The following FGF14 variants were observed in gnomAD, a reference collection of about 807,000 sequenced individuals.
FGF14 encodes the protein fibroblast growth factor 14.
In FGF14, 5 loss-of-function variants were observed where a neutral mutation model predicts 25.5. The ratio of observed to expected loss-of-function variants is 0.20; its 90% CI spans 0.10 to 0.41. FGF14 has a LOEUF of 0.41. Among genes scored for constraint, FGF14 ranks in the 10% least tolerant of loss-of-function variants. The pLI, the probability that FGF14 is intolerant of heterozygous loss-of-function variation, is 1.00. For missense variants in FGF14, 222 were observed against 320.1 expected (o/e 0.69, Z 2.34); for synonymous variants, 138 against 118.3 (o/e 1.17, Z -1.08).
intron 3 of FGF14, among the ~76,000 whole-genome samples, chr13:101,728,887 G>A (rs1439566292): frequency 1.3e-5 from 2 of 152,076 alleles, no homozygotes; most frequent in African/African-American, 4.8e-5. Context: ...ATTCTCTTCT[G>A]ATCGTCACTG....
At chr13:102,281,027 CT>C (rs1288183375) in intron 1 of FGF14, among the ~76,000 whole-genome samples, 1 of 152,170 alleles carries the variant, frequency 6.6e-6, no homozygotes, top group Non-Finnish European at 1.5e-5. Flanking sequence ...GAGAACTGGA[CT>C]TAGATTTCAT....
At chr13:102,246,570 T>C (rs2051880667) in intron 1 of FGF14, among the ~76,000 whole-genome samples, 1 of 152,018 alleles carries the variant, frequency 6.6e-6, no homozygotes, top group Non-Finnish European at 1.5e-5. Context: ...GAGGAAATTT[T>C]ATATCCAGGT....
intron 1 of FGF14, among the ~76,000 whole-genome samples, chr13:101,894,202 A>G (rs2030257672): frequency 6.6e-6 from 1 of 152,178 alleles, no homozygotes; most frequent in African/African-American, 2.4e-5. Context: ...TTGTATCTAC[A>G]TTATGATTAA....
intron 1 of FGF14, among the ~76,000 whole-genome samples, chr13:101,990,170 T>C (rs922165721): frequency 6.6e-5 from 10 of 152,228 alleles, no homozygotes; most frequent in African/African-American, 2.2e-4. Context: ...TGAGTAGAGC[T>C]AGCAATCACA....
intron 1 of FGF14, among the ~76,000 whole-genome samples, chr13:102,296,222 G>A (rs541423623): frequency 3.3e-5 from 5 of 152,138 alleles, no homozygotes; most frequent in African/African-American, 1.2e-4. Flanking sequence ...GAGTTCTAGA[G>A]ATCTCTTTGT....
In FGF14 at chr13:102,174,138, T is replaced by C. The variant is rs9557827; in HGVS notation, c.208+227333A>G. Among the ~76,000 whole-genome samples the C allele has an allele frequency of 2.3e-4, 29 of 125,354 alleles. No homozygotes were observed. The East Asian group carries it at 3.0e-3, about 13-fold the overall frequency. The allele number at this position is 125,354 out of a possible 152,430, so 82.2% of individuals were successfully genotyped here. Reference sequence around the variant, plus strand: ...AACATGCAAAAGATCAGCATTTCTTTTTTTTTTTTTTTTTGAAATGGAGTC... The same window carrying C: ...AACATGCAAAAGATCAGCATTTCTTCTTTTTTTTTTTTTTGAAATGGAGTC... On this transcript the variant is annotated intron_variant, in intron 1 of 4. Transcript: ENST00000376131.
chr13:102,373,062 G>A (rs369238456), intron 1 of FGF14, among the ~76,000 whole-genome samples: 6 of 151,958 alleles, frequency 3.9e-5, no homozygotes, highest in African/African-American at 7.3e-5. Context: ...TTGACTTTTC[G>A]TACCCAGGTC....
intron 1 of FGF14, among the ~76,000 whole-genome samples, chr13:102,004,471 G>A (rs528973754): frequency 6.6e-6 from 1 of 152,276 alleles, no homozygotes; most frequent in Non-Finnish European, 1.5e-5. Flanking sequence ...AGTATTCTCT[G>A]TAGCAAAACA....
At chr13:102,131,505 G>A (rs926335949) in intron 1 of FGF14, among the ~76,000 whole-genome samples, 4 of 152,034 alleles carry the variant, frequency 2.6e-5, no homozygotes, top group Non-Finnish European at 2.9e-5. Context: ...TGTCTCAGCC[G>A]TATGCGCAAC....
chr13:102,390,689 G>C (rs2058411257), intron 1 of FGF14, among the ~76,000 whole-genome samples: 1 of 152,198 alleles, frequency 6.6e-6, no homozygotes, highest in South Asian at 2.1e-4. Flanking sequence ...AAATTAGATA[G>C]TATAGGTAGA....
At chr13:101,896,483 T>C (rs1242023501) in intron 1 of FGF14, among the ~76,000 whole-genome samples, 2 of 152,176 alleles carry the variant, frequency 1.3e-5, no homozygotes, top group Non-Finnish European at 2.9e-5. Flanking sequence ...ATATTCAGAT[T>C]TTCTCATAGT....
At chr13:102,005,840 T>C (rs923938051) in intron 1 of FGF14, among the ~76,000 whole-genome samples, 26 of 152,338 alleles carry the variant, frequency 1.7e-4, no homozygotes, top group African/African-American at 5.8e-4. Flanking sequence ...TGAGATAAAT[T>C]AGGCAAAGCC....
intron 3 of FGF14, among the ~76,000 whole-genome samples, chr13:101,852,455 T>C (rs1458314678): frequency 6.6e-6 from 1 of 152,052 alleles, no homozygotes; most frequent in Non-Finnish European, 1.5e-5. Context: ...AAAAAAACAA[T>C]CCCAAGTTAC....
At chr13:102,243,658 T>TTTC (rs2051714916) in intron 1 of FGF14, among the ~76,000 whole-genome samples, 1 of 150,694 alleles carries the variant, frequency 6.6e-6, no homozygotes, top group African/African-American at 2.4e-5. Context: ...TGGGCATGTT[T>TTTC]TTTTTTTTTT....
intron 1 of FGF14, among the ~76,000 whole-genome samples, chr13:101,883,057 G>C (rs948756878): frequency 3.3e-5 from 5 of 152,006 alleles, no homozygotes; most frequent in African/African-American, 1.2e-4. Context: ...TAACCAGACA[G>C]GAAAAACATT....
intron 3 of FGF14, among the ~76,000 whole-genome samples, chr13:101,775,083 C>A (rs1271533957): frequency 6.6e-6 from 1 of 151,588 alleles, no homozygotes; most frequent in African/African-American, 2.4e-5. Context: ...TGTGTTCCAA[C>A]TTCCTAAAAA....
At chr13:101,764,549 C>T (rs1376325405) in intron 3 of FGF14, among the ~76,000 whole-genome samples, 1 of 152,186 alleles carries the variant, frequency 6.6e-6, no homozygotes, top group Non-Finnish European at 1.5e-5. Context: ...AAATGAGATT[C>T]ACTAGTTTGA....
intron 1 of FGF14, among the ~76,000 whole-genome samples, chr13:102,123,863 A>G (rs571487353): frequency 4.9e-4 from 74 of 152,288 alleles, no homozygotes; most frequent in Middle Eastern, 3.4e-3. Flanking sequence ...TTGACATTAG[A>G]AGTGTTTTGA....
At chr13:101,869,331 T>C (rs993965969) in intron 2 of FGF14, among the ~76,000 whole-genome samples, 5 of 152,214 alleles carry the variant, frequency 3.3e-5, no homozygotes, top group Admixed American at 6.5e-5. Flanking sequence ...CAGGAAAAGA[T>C]GTGCACCTGC....
Sources: gnomAD v4.1 joint callset for allele counts (sites outside exome capture counted in the v4.1 genomes callset) on GRCh38, gnomAD v4.1.1 for gene constraint, MANE v1.5 for transcripts, NCBI Gene and HGNC (gene_info 2026-07-23, HGNC 2026-07-21) for gene names.